The following CPT1A variants were observed in gnomAD, a reference collection of about 807,000 sequenced individuals.
The protein encoded by CPT1A is carnitine palmitoyltransferase 1A, also known as carnitine O-palmitoyltransferase 1, liver isoform.
Under a neutral mutation model 100.8 loss-of-function variants are expected in CPT1A, and 64 were observed. The observed-to-expected ratio is 0.63, with a 90% CI of 0.52 to 0.78. The LOEUF (loss-of-function observed/expected upper bound fraction) is 0.78, where lower values mean the gene tolerates loss of function less well. Among genes scored for constraint, CPT1A ranks in the 30% least tolerant of loss-of-function variants. The pLI is 0.00. For missense variants in CPT1A, 802 were observed against 1,034.1 expected (o/e 0.78, Z 3.08); for synonymous variants, 363 against 396.0 (o/e 0.92, Z 0.99).
intron 1 of CPT1A, among the ~76,000 whole-genome samples, chr11:68,829,615 T>C (rs1335149555): frequency 3.9e-5 from 6 of 152,254 alleles, no homozygotes; most frequent in Middle Eastern, 3.4e-3. Flanking sequence ...ACTTAACCTC[T>C]CCCCTGTCAC....
chr11:68,789,312 C>T (rs1249621295), intron 9 of CPT1A, among the ~76,000 whole-genome samples: 2 of 152,088 alleles, frequency 1.3e-5, no homozygotes, highest in African/African-American at 4.8e-5. Flanking sequence ...ATGGGATCCT[C>T]CGGTGGGGAT....
intron 10 of CPT1A, among the ~76,000 whole-genome samples, chr11:68,783,146 G>C (rs151027271): frequency 1.3e-5 from 2 of 151,864 alleles, no homozygotes; most frequent in Admixed American, 6.6e-5. Context: ...CCTCCATCCC[G>C]CTCCTGCTCC....
intron 1 of CPT1A, among the ~76,000 whole-genome samples, chr11:68,815,791 C>CACA (rs1856370173): frequency 1.3e-5 from 2 of 149,872 alleles, no homozygotes; most frequent in African/African-American, 2.5e-5. Flanking sequence ...GCATCCAGGC[C>CACA]CGTGGTACCT....
intron 5 of CPT1A, 55 bp from the exon 6 acceptor site, chr11:68,799,410 C>T (rs1566367030): frequency 6.3e-7 from 1 of 1,581,090 alleles, no homozygotes; most frequent in East Asian, 2.2e-5. Context: ...TTAATCAAAG[C>T]CTATGTTTGC....
chr11:68,789,799 A>G (rs1212459579), intron 9 of CPT1A, among the ~76,000 whole-genome samples: 1 of 152,038 alleles, frequency 6.6e-6, no homozygotes, highest in Admixed American at 6.5e-5. Context: ...TTTCCTTTCC[A>G]ATTAGGATCT....
rs926155510 is a variant in CPT1A, at chr11:68,841,136, G to T, written c.-14+639C>A. On this transcript the variant is annotated intron_variant, in intron 1 of 18. Coordinates refer to ENST00000265641, the MANE Select transcript of CPT1A (RefSeq NM_001876.4). This position sits in a 1 kb window ranked among gnomAD's most constrained non-coding sequence, Gnocchi z 6.3. ...CCGGGGAGACGGACGCTGGGATGGG[G>T]TCAGCGGCGCCCTGCCGAATCCCGA... Among the ~76,000 whole-genome samples the T allele has an allele frequency of 6.6e-6, 1 of 152,246 alleles. No homozygotes were observed. The highest frequency in any genetic ancestry group is 1.9e-4 in the East Asian group (1 of 5,190).
At chr11:68,793,253 A>C in intron 9 of CPT1A, 62 bp downstream of exon 9, 1 of 1,293,274 alleles carries the variant, frequency 7.7e-7, no homozygotes, top group Non-Finnish European at 1.1e-6. Context: ...ACACTTCCTA[A>C]TTCTGAGCAT....
chr11:68,787,951 A>T (rs1352910676), intron 9 of CPT1A, among the ~76,000 whole-genome samples: 1 of 151,686 alleles, frequency 6.6e-6, no homozygotes, highest in Non-Finnish European at 1.5e-5. Context: ...TCAAAAAAAA[A>T]AAAAAAAAAA....
chr11:68,823,191 A>G (rs1010067376), intron 1 of CPT1A, among the ~76,000 whole-genome samples: 2 of 152,104 alleles, frequency 1.3e-5, no homozygotes, highest in South Asian at 4.2e-4. Flanking sequence ...TCGAAGCTGC[A>G]GTGAGCCGTG....
At chr11:68,797,060 G>A (rs1855774468) in intron 6 of CPT1A, 127 bp from the exon 7 acceptor site, 11 of 809,444 alleles carry the variant, frequency 1.4e-5, no homozygotes, top group Non-Finnish European at 2.3e-5. Flanking sequence ...GTCTAACAGG[G>A]GCCATTCCAG....
At chr11:68,768,064 G>GTTTTTTTTT (rs1566344951) in intron 14 of CPT1A, among the ~76,000 whole-genome samples, 1 of 65,888 alleles carries the variant, frequency 1.5e-5, no homozygotes, top group African/African-American at 7.7e-5. Flanking sequence ...CTAGTTTCCA[G>GTTTTTTTTT]TCTTTTTTTT....
intron 2 of CPT1A, among the ~76,000 whole-genome samples, chr11:68,814,463 C>G (rs958442201): frequency 6.6e-6 from 1 of 151,436 alleles, no homozygotes; most frequent in Non-Finnish European, 1.5e-5. Flanking sequence ...CCCGCCACCA[C>G]GCCCGGCTAA....
chr11:68,825,208 G>A (rs548876722), intron 1 of CPT1A, among the ~76,000 whole-genome samples: 27 of 152,246 alleles, frequency 1.8e-4, no homozygotes, highest in Admixed American at 5.9e-4. Flanking sequence ...GTGCAAGCCC[G>A]GTAGGTAAGT....
At chr11:68,815,196 C>G (rs960732366) in intron 2 of CPT1A, 138 bp downstream of exon 2, 2 of 875,836 alleles carry the variant, frequency 2.3e-6, no homozygotes, top group Non-Finnish European at 3.7e-6. Context: ...GACGGTGTCC[C>G]CAAGCCTTAA....
upstream of CPT1A, among the ~76,000 whole-genome samples, chr11:68,843,882 A>C (rs576465958): frequency 2.6e-5 from 4 of 152,312 alleles, no homozygotes; most frequent in South Asian, 6.2e-4. The surrounding 1 kb of genome is among the most constrained non-coding windows in gnomAD (Gnocchi z 4.0). Context: ...CGGAAGCTGG[A>C]CTGTCATTCT....
At chr11:68,774,425 A>AT (rs904839015) in intron 13 of CPT1A, among the ~76,000 whole-genome samples, 2 of 151,708 alleles carry the variant, frequency 1.3e-5, no homozygotes, top group African/African-American at 4.8e-5. Context: ...CAAGAAACAC[A>AT]TTTTTTTACT....
chr11:68,822,729 T>C (rs1399159101), intron 1 of CPT1A, among the ~76,000 whole-genome samples: 1 of 152,130 alleles, frequency 6.6e-6, no homozygotes. Context: ...GGTCCATCCA[T>C]ACTGTGGAAT....
At chr11:68,771,769 A>G (rs1321898210) in intron 14 of CPT1A, among the ~76,000 whole-genome samples, 2 of 152,148 alleles carry the variant, frequency 1.3e-5, no homozygotes, top group Admixed American at 6.6e-5. Flanking sequence ...AGGTGGAGAG[A>G]GCATAGACTC....
intron 14 of CPT1A, among the ~76,000 whole-genome samples, chr11:68,767,677 TATCATGAA>T (rs1468191558): frequency 6.6e-6 from 1 of 152,160 alleles, no homozygotes; most frequent in East Asian, 1.9e-4. Context: ...TTTAATTTAG[TATCATGAA>T]AGGAAGATTC....
Sources: allele counts gnomAD v4.1 joint callset (sites outside exome capture counted in the v4.1 genomes callset), GRCh38; gene constraint gnomAD v4.1.1; non-coding constraint Gnocchi (gnomAD v3.1); transcripts MANE v1.5; gene names NCBI Gene and HGNC (gene_info 2026-07-23, HGNC 2026-07-21).